Variants in CCDC33 observed in about 807,000 individuals in gnomAD.
CCDC33 encodes the protein coiled-coil domain-containing protein 33.
Under a neutral mutation model 91.9 loss-of-function variants are expected in CCDC33, and 94 were observed. The ratio of observed to expected loss-of-function variants is 1.02; its 90% CI spans 0.87 to 1.21. CCDC33 has a LOEUF of 1.21. Among genes scored for constraint, CCDC33 ranks in the 50% most tolerant of loss-of-function variants. The pLI, the probability that CCDC33 is intolerant of heterozygous loss-of-function variation, is 0.00. For missense variants in CCDC33, 940 were observed against 935.5 expected (o/e 1.00, Z -0.06); for synonymous variants, 396 against 374.5 (o/e 1.06, Z -0.66).
chr15:74,263,878 G>A (rs1166996363), intron 3 of CCDC33, among the ~76,000 whole-genome samples: 1 of 152,182 alleles, frequency 6.6e-6, no homozygotes, highest in East Asian at 1.9e-4. Context: ...GCACAAGTAT[G>A]TATAGATCGT....
intron 16 of CCDC33, 45 bp downstream of exon 16, chr15:74,332,890 G>C: frequency 6.3e-7 from 1 of 1,594,044 alleles, no homozygotes; most frequent in African/African-American, 1.3e-5. Context: ...GTCACTGGGT[G>C]CCCAGAAATC....
chr15:74,217,114 C>A, upstream of CCDC33: 3 of 384,464 alleles, frequency 7.8e-6, no homozygotes, highest in South Asian at 2.9e-5. Flanking sequence ...TGGGTCAGGC[C>A]CAGCTTCCTG....
chr15:74,304,712 A>G (rs1222014347), intron 11 of CCDC33, among the ~76,000 whole-genome samples: 1 of 151,772 alleles, frequency 6.6e-6, no homozygotes, highest in Non-Finnish European at 1.5e-5. Flanking sequence ...GCTGGCGGGG[A>G]GCCTGGTGCT....
intron 11 of CCDC33, among the ~76,000 whole-genome samples, chr15:74,320,543 C>T (rs1337916286): frequency 1.3e-5 from 2 of 152,056 alleles, no homozygotes; most frequent in Non-Finnish European, 2.9e-5. Context: ...ACAGCAGCTG[C>T]CAGGCCCTGC....
intron 2 of CCDC33, among the ~76,000 whole-genome samples, chr15:74,225,058 T>G (rs1372145274): frequency 4.0e-5 from 6 of 151,764 alleles, no homozygotes; most frequent in African/African-American, 1.2e-4. Context: ...CTGTCCTCCT[T>G]CATCTCTGCC....
intron 1 of CCDC33, chr15:74,209,077 C>T: frequency 8.0e-7 from 1 of 1,252,954 alleles, no homozygotes; most frequent in South Asian, 2.3e-5. Flanking sequence ...TGGCTCTGCC[C>T]CTCCTCCTGC....
chr15:74,251,223 C>G (rs1337764620), intron 2 of CCDC33, among the ~76,000 whole-genome samples: 2 of 152,268 alleles, frequency 1.3e-5, no homozygotes, highest in East Asian at 3.8e-4. Context: ...CCACCCGAGA[C>G]AGATTCTGTG....
At position 74,243,828 on chromosome 15, in the gene CCDC33, C is replaced by G. The variant is rs892258036; in HGVS notation, c.22-157C>G. The G allele has an allele frequency of 6.2e-5, 49 of 794,216 alleles. No homozygotes were observed. In the South Asian group the frequency reaches 6.9e-4, roughly 11 times the overall value. The allele number at this position is 794,216 out of a possible 1,614,324, so 49.2% of individuals were successfully genotyped here. A position where few individuals can be genotyped will look rare whatever the true frequency, so the allele number is the denominator to read the frequency against. On this transcript the variant is annotated intron_variant, in intron 1 of 18. Coordinates refer to ENST00000398814, the MANE Select transcript of CCDC33 (RefSeq NM_025055.5). ...GATGTGGTGGCACATGCCTGTAATC[C>G]CAGCTACTGTGGAGGCTGAGGCAGG... is the stretch of plus-strand genomic sequence containing the variant.
upstream of CCDC33, among the ~76,000 whole-genome samples, chr15:74,216,413 A>T (rs1365172100): frequency 1.3e-5 from 2 of 150,532 alleles, no homozygotes. Flanking sequence ...TTTCACTTAC[A>T]AGTCAGGCGA....
rs567165147 is a variant in CCDC33 at position 74,332,768 on chromosome 15, A to C, written c.1861A>C (p.Asn621His). Residue 621 changes from asparagine to histidine, a missense_variant, in exon 16 of 19, where the codon AAC (asparagine) becomes CAC (histidine). By Grantham distance (68) the Asn-to-His change is moderately conservative. Transcript: ENST00000398814. ...ACTTTACTCGGTGCTGCTGGCAGAAAACGCGAAGCTGCGGACGGAGCTGGA... is the reference window on the plus strand; with the variant it reads ...ACTTTACTCGGTGCTGCTGGCAGAACACGCGAAGCTGCGGACGGAGCTGGA... ...VELYSVLLAE[N>H]AKLRTELDKN... 3 of 1,614,192 alleles carry C rather than the reference A, an allele frequency of 1.9e-6. No individual in the cohort carries two copies. The East Asian group carries it at 6.7e-5, about 36-fold the overall frequency.
At chr15:74,327,286 C>T (rs2060329197) in intron 11 of CCDC33, among the ~76,000 whole-genome samples, 1 of 152,188 alleles carries the variant, frequency 6.6e-6, no homozygotes, top group South Asian at 2.1e-4. Context: ...CTCCCTCCAT[C>T]TCCTTCCTCG....
chr15:74,325,925 G>A (rs1300517332), intron 11 of CCDC33, among the ~76,000 whole-genome samples: 3 of 151,970 alleles, frequency 2.0e-5, no homozygotes, highest in Admixed American at 6.6e-5. Flanking sequence ...AAAGACAATC[G>A]CCATTCCTCC....
Position 74,320,526 on chromosome 15 carries a change from G to A in CCDC33, c.1291-9663G>A, listed in dbSNP as rs900709976. On this transcript the variant is annotated intron_variant, in intron 11 of 18. Coordinates refer to ENST00000398814, the MANE Select transcript of CCDC33 (RefSeq NM_025055.5). ...CACCCCCAACAGAGCTGAGCTTAGGGGTACAAACAGCAGCTGCCAGGCCCT... is the reference window on the plus strand; with the variant it reads ...CACCCCCAACAGAGCTGAGCTTAGGAGTACAAACAGCAGCTGCCAGGCCCT... Among the ~76,000 whole-genome samples, 3 of 152,094 alleles carry A rather than the reference G, an allele frequency of 2.0e-5. 1 individual carries two copies. Among genetic ancestry groups the A allele is most frequent in the Non-Finnish European group, 1.5e-5 (1 of 68,012 alleles).
chr15:74,252,482 C>T (rs879872551), intron 2 of CCDC33, among the ~76,000 whole-genome samples: 1 of 152,222 alleles, frequency 6.6e-6, no homozygotes, highest in Non-Finnish European at 1.5e-5. Flanking sequence ...ATGTTCCACT[C>T]GAAGCTCACT....
chr15:74,211,393 CTTTTT>C (rs34963230), intron 2 of CCDC33, among the ~76,000 whole-genome samples: 3 of 73,894 alleles, frequency 4.1e-5, no homozygotes, highest in African/African-American at 5.4e-5. Flanking sequence ...CTGCCCCTGG[CTTTTT>C]TTTTTTTTTT....
At chr15:74,225,421 C>G (rs2074762613) in intron 2 of CCDC33, among the ~76,000 whole-genome samples, 1 of 151,740 alleles carries the variant, frequency 6.6e-6, no homozygotes, top group Non-Finnish European at 1.5e-5. Context: ...CCACCCACCC[C>G]CAACTCCATC....
chr15:74,335,310 C>T (rs982042065), intron 18 of CCDC33: 5 of 615,226 alleles, frequency 8.1e-6, no homozygotes, highest in South Asian at 3.8e-5. Flanking sequence ...GCCAAAACTA[C>T]CCTTTCCCCC....
chr15:74,321,390 A>G (rs1225783574), intron 11 of CCDC33, among the ~76,000 whole-genome samples: 1 of 110,956 alleles, frequency 9.0e-6, no homozygotes, highest in East Asian at 2.7e-4. Context: ...TCATCCTCCC[A>G]AGTAGCTGGG....
intron 11 of CCDC33, among the ~76,000 whole-genome samples, chr15:74,309,140 A>G (rs573112387): frequency 6.6e-6 from 1 of 151,548 alleles, no homozygotes; most frequent in Non-Finnish European, 1.5e-5. Flanking sequence ...TAGACATGCT[A>G]CCCCCCGCCC....
Sources: gnomAD v4.1 joint callset for allele counts (sites outside exome capture counted in the v4.1 genomes callset) on GRCh38, gnomAD v4.1.1 for gene constraint, MANE v1.5 for transcripts, NCBI Gene and HGNC (gene_info 2026-07-23, HGNC 2026-07-21) for gene names.